The following TENM2 variants were observed in gnomAD, a reference collection of about 807,000 sequenced individuals.
TENM2 encodes teneurin-2.
In TENM2, 52 loss-of-function variants were observed where a neutral mutation model predicts 245.2. The observed-to-expected ratio is 0.21, with a 90% CI of 0.17 to 0.27. The LOEUF is 0.27. TENM2 is among the 10% of genes least tolerant of loss of function. The pLI, the probability that TENM2 is intolerant of heterozygous loss-of-function variation, is 1.00. For synonymous variants in TENM2, 1,363 were observed against 1,438.9 expected, an observed-to-expected ratio of 0.95 and a Z score of 1.19; for missense variants, 3,046 against 3,666.8, an observed-to-expected ratio of 0.83 and a Z score of 4.37.
At chr5:167,171,566 T>C in the TENM2 span, among the ~76,000 whole-genome samples, 1 of 152,156 alleles carries the variant, frequency 6.6e-6, no homozygotes, top group East Asian at 1.9e-4. Context: ...AAACAGCTGT[T>C]TTCACCTCCA....
At chr5:167,107,785 G>A in the TENM2 span, among the ~76,000 whole-genome samples, 1 of 152,160 alleles carries the variant, frequency 6.6e-6, no homozygotes, top group African/African-American at 2.4e-5. Context: ...CCAATGTCAA[G>A]GAAGAATTCA....
rs532694853 is a variant in TENM2 at position 168,214,708 on chromosome 5, C to T, written c.3846-332C>T. The T allele has an allele frequency of 1.6e-4, 73 of 449,474 alleles. 1 individual carries two copies. Among genetic ancestry groups the T allele is most frequent in the South Asian group, 1.2e-3 (69 of 59,712 alleles). The allele number at this position is 449,474 out of a possible 1,614,324, so 27.8% of individuals were successfully genotyped here. On this transcript the variant is annotated intron_variant, in intron 20 of 28. Coordinates refer to ENST00000518659, the Ensembl canonical transcript of TENM2. ...AAGGGGAAATTAAGGAGACTGCACA[C>T]ACATGGACTGTAGATGGTCTTGAAT...
chr5:167,598,911 A>G (rs1776408834), intron 2 of TENM2, among the ~76,000 whole-genome samples: 2 of 152,198 alleles, frequency 1.3e-5, no homozygotes, highest in African/African-American at 2.4e-5. Context: ...TTCTTACATT[A>G]AGGGTTCTTT....
At chr5:167,090,454 C>G in the TENM2 span, among the ~76,000 whole-genome samples, 4 of 152,286 alleles carry the variant, frequency 2.6e-5, no homozygotes, top group East Asian at 7.7e-4. Flanking sequence ...ATGAGGCATA[C>G]AGCAATTGAC....
At chr5:167,819,751 G>C (rs956897218) in intron 2 of TENM2, among the ~76,000 whole-genome samples, 1 of 152,148 alleles carries the variant, frequency 6.6e-6, no homozygotes, top group African/African-American at 2.4e-5. Context: ...CTGCAACTTG[G>C]AGAACTGTTC....
the TENM2 span, among the ~76,000 whole-genome samples, chr5:167,138,457 G>C: frequency 6.6e-6 from 1 of 152,192 alleles, no homozygotes; most frequent in African/African-American, 2.4e-5. Context: ...AGTTGCAAGA[G>C]CTTTGAAATA....
At position 167,848,500 on chromosome 5, in the gene TENM2, T is replaced by C. The variant is rs1201906765; in HGVS notation, c.503-27486T>C. Among the ~76,000 whole-genome samples, 7 of 152,206 alleles carry C rather than the reference T, an allele frequency of 4.6e-5. 1 individual carries two copies. The highest frequency in any genetic ancestry group is 1.0e-4 in the Non-Finnish European group (7 of 68,034). On this transcript the variant is annotated intron_variant, in intron 2 of 28. Transcript: ENST00000518659. ...ATATATCTTCATATATACACACACA[T>C]ATATCTATATGCCAAATGAGGCCAG...
chr5:167,308,827 C>G (rs1755840470), intron 1 of TENM2, among the ~76,000 whole-genome samples: 1 of 152,168 alleles, frequency 6.6e-6, no homozygotes, highest in Non-Finnish European at 1.5e-5. Context: ...TTCCATTTCT[C>G]TAGTTTCTAA....
intron 12 of TENM2, among the ~76,000 whole-genome samples, chr5:168,149,739 G>T (rs892675504): frequency 6.6e-6 from 1 of 152,240 alleles, no homozygotes; most frequent in Non-Finnish European, 1.5e-5. Flanking sequence ...CTGCTCAAAA[G>T]CTTCCAATGA....
chr5:168,227,860 T>A, intron 24 of TENM2, 35 bp from the exon 27 acceptor site: 2 of 1,378,990 alleles, frequency 1.5e-6, no homozygotes, highest in Non-Finnish European at 2.0e-6. Context: ...GGATAATTTA[T>A]TTCCCTATCC....
chr5:167,760,889 G>A (rs1157887824), intron 2 of TENM2, among the ~76,000 whole-genome samples: 1 of 151,830 alleles, frequency 6.6e-6, no homozygotes, highest in African/African-American at 2.4e-5. Context: ...GACCTCAGGT[G>A]ATCCGCCCAC....
chr5:167,013,576 G>T, the TENM2 span, among the ~76,000 whole-genome samples: 7 of 152,226 alleles, frequency 4.6e-5, no homozygotes, highest in African/African-American at 7.2e-5. Flanking sequence ...GCATGGTGGT[G>T]CATGCCTGTA....
intron 2 of TENM2, among the ~76,000 whole-genome samples, chr5:167,530,566 A>C (rs746175483): frequency 6.6e-6 from 1 of 152,084 alleles, no homozygotes; most frequent in Non-Finnish European, 1.5e-5. Flanking sequence ...TTAAGTTTTC[A>C]CTCTCATTAC....
chr5:167,249,176 A>T, the TENM2 span, among the ~76,000 whole-genome samples: 7 of 152,312 alleles, frequency 4.6e-5, no homozygotes, highest in African/African-American at 1.7e-4. Context: ...TGTAAAATAT[A>T]TAGCCCCTTC....
chr5:168,208,918 A>G (rs1039350475), intron 19 of TENM2, among the ~76,000 whole-genome samples: 3 of 152,232 alleles, frequency 2.0e-5, no homozygotes, highest in African/African-American at 7.2e-5. Context: ...AGAAAAGCCA[A>G]TTCTATCACA....
At chr5:168,051,230 A>C (rs933626035) in intron 6 of TENM2, among the ~76,000 whole-genome samples, 1 of 152,162 alleles carries the variant, frequency 6.6e-6, no homozygotes, top group Non-Finnish European at 1.5e-5. Context: ...AAAACCTATC[A>C]CTCATTTTAG....
chr5:167,216,805 T>C, the TENM2 span, among the ~76,000 whole-genome samples: 1 of 151,988 alleles, frequency 6.6e-6, no homozygotes, highest in African/African-American at 2.4e-5. Context: ...TGCACATCTG[T>C]AGTCCCAGCT....
chr5:168,100,316 A>T (rs2152282639), intron 9 of TENM2, among the ~76,000 whole-genome samples: 1 of 152,328 alleles, frequency 6.6e-6, no homozygotes, highest in South Asian at 2.1e-4. Flanking sequence ...ATTGTGGAAG[A>T]TAGTGTGGCG....
intron 12 of TENM2, among the ~76,000 whole-genome samples, chr5:168,157,289 G>A (rs900700724): frequency 6.6e-6 from 1 of 152,158 alleles, no homozygotes; most frequent in South Asian, 2.1e-4. Flanking sequence ...TATTGAGATA[G>A]GCTGATGTGG....
Sources: gnomAD v4.1 joint callset for allele counts (sites outside exome capture counted in the v4.1 genomes callset) on GRCh38, gnomAD v4.1.1 for gene constraint, MANE v1.5 for transcripts, NCBI Gene and HGNC (gene_info 2026-07-23, HGNC 2026-07-21) for gene names.